The following NAV3 variants were observed in gnomAD, a reference collection of about 807,000 sequenced individuals.
NAV3 encodes the protein pore membrane and/or filament interacting like protein 1.
NAV3 carries 87 observed loss-of-function variants against 244.7 expected under a neutral mutation model. The observed-to-expected ratio is 0.36, with a 90% CI of 0.30 to 0.42. The LOEUF (loss-of-function observed/expected upper bound fraction) is 0.42. Among genes scored for constraint, NAV3 ranks in the 20% least tolerant of loss-of-function variants. The probability of loss-of-function intolerance (pLI) is 1.00; values close to 1 mark genes in which losing one functional copy is unlikely to be tolerated. For missense variants in NAV3, 2,663 were observed against 2,893.3 expected (o/e 0.92, Z 1.83); for synonymous variants, 1,126 against 1,042.2 (o/e 1.08, Z -1.55).
At chr12:77,722,085 A>G (rs1876661923) in intron 2 of NAV3, among the ~76,000 whole-genome samples, 1 of 152,096 alleles carries the variant, frequency 6.6e-6, no homozygotes, top group Admixed American at 6.6e-5. Flanking sequence ...TGCTGAACAA[A>G]TGTTTAAACT....
chr12:78,028,252 T>C (rs1878410640), intron 9 of NAV3, among the ~76,000 whole-genome samples: 1 of 152,214 alleles, frequency 6.6e-6, no homozygotes, highest in Non-Finnish European at 1.5e-5. Flanking sequence ...GGTATGCTGA[T>C]GGTTAAATAA....
chr12:78,168,707 T>A (rs761528291), intron 23 of NAV3, 48 bp from the exon 24 acceptor site: 1 of 1,265,182 alleles, frequency 7.9e-7, no homozygotes, highest in Non-Finnish European at 1.1e-6. Context: ...AGGGAGATTT[T>A]ATTTTTCTTT....
chr12:77,762,266 C>T lies in NAV3; in HGVS notation c.73-178053C>T, dbSNP rs113137173. Among the ~76,000 whole-genome samples, 1,088 of 151,930 alleles carry T rather than the reference C, an allele frequency of 7.2e-3. 15 individuals carry two copies. The highest frequency in any genetic ancestry group is 0.023 in the African/African-American group (971 of 41,416). On this transcript the variant is annotated intron_variant, in intron 2 of 8. Coordinates refer to the NAV3 transcript ENST00000550042. The stretch of plus-strand genomic sequence containing the variant: ...ACACAGTGAGGGGAACATCACACAT[C>T]GGGGCCTGTCGGTGGGTGGGGAGCT...
intron 18 of NAV3, among the ~76,000 whole-genome samples, chr12:78,130,142 G>A (rs529872030): frequency 6.6e-6 from 1 of 152,138 alleles, no homozygotes; most frequent in Admixed American, 6.6e-5. Flanking sequence ...TGCCAGTCTA[G>A]TTTGGGGACT....
At chr12:77,856,199 G>A (rs1878373363) in intron 1 of NAV3, among the ~76,000 whole-genome samples, 1 of 152,124 alleles carries the variant, frequency 6.6e-6, no homozygotes, top group Admixed American at 6.5e-5. Flanking sequence ...ATTTCCTGCT[G>A]TTTGTTCTGT....
intron 6 of NAV3, among the ~76,000 whole-genome samples, chr12:77,997,237 C>CAAAAAAA (rs139557569): frequency 8.9e-5 from 7 of 78,732 alleles, no homozygotes; most frequent in East Asian, 3.6e-4. Context: ...CACCCTGTCT[C>CAAAAAAA]AAAAAAAAAA....
intron 1 of NAV3, among the ~76,000 whole-genome samples, chr12:77,876,073 A>G (rs1881805410): frequency 6.6e-6 from 1 of 152,100 alleles, no homozygotes; most frequent in South Asian, 2.1e-4. Flanking sequence ...AGTTGAAAAT[A>G]TAATTAATTT....
At chr12:77,580,649 G>C (rs696442) in intron 2 of NAV3, among the ~76,000 whole-genome samples, 84,719 of 152,018 alleles carry the variant, frequency 0.56, 23,970 homozygotes, top group Middle Eastern at 0.74. Context: ...AGTGTTTACT[G>C]TCTAAACCCT....
intron 2 of NAV3, among the ~76,000 whole-genome samples, chr12:77,797,742 G>A (rs571124605): frequency 5.9e-5 from 9 of 151,802 alleles, no homozygotes; most frequent in Admixed American, 2.6e-4. Flanking sequence ...TCAAGAGACT[G>A]AGGGAGGAGA....
chr12:77,622,735 AT>A (rs1871434565), intron 2 of NAV3, among the ~76,000 whole-genome samples: 1 of 152,054 alleles, frequency 6.6e-6, no homozygotes, highest in Admixed American at 6.6e-5. Context: ...TCTGAGTAAA[AT>A]TGTGTTCCAT....
intron 2 of NAV3, among the ~76,000 whole-genome samples, chr12:77,810,592 A>G (rs1219222356): frequency 2.0e-5 from 3 of 152,208 alleles, no homozygotes; most frequent in Non-Finnish European, 2.9e-5. Flanking sequence ...AAAATATTTT[A>G]AAACTCAGTG....
chr12:78,034,216 C>T (rs1219475302), intron 9 of NAV3, among the ~76,000 whole-genome samples: 2 of 152,192 alleles, frequency 1.3e-5, no homozygotes, highest in Non-Finnish European at 2.9e-5. Context: ...GCCACTTCCC[C>T]TTAGATGTCA....
chr12:77,944,836 C>T (rs965149993), intron 3 of NAV3, among the ~76,000 whole-genome samples: 1 of 152,014 alleles, frequency 6.6e-6, no homozygotes, highest in African/African-American at 2.4e-5. Flanking sequence ...ACTGCTAATC[C>T]TTAGGGAAGA....
At chr12:77,641,010 C>T (rs1872386328) in intron 2 of NAV3, among the ~76,000 whole-genome samples, 1 of 152,086 alleles carries the variant, frequency 6.6e-6, no homozygotes, top group African/African-American at 2.4e-5. Context: ...CAAGACTTTA[C>T]ATAGCAAGCA....
At chr12:77,976,666 C>CTTTCTTTCTTTTTTTTTTTTTTTT (rs1446044531) in intron 5 of NAV3, among the ~76,000 whole-genome samples, 1 of 58,062 alleles carries the variant, frequency 1.7e-5, no homozygotes, top group African/African-American at 6.5e-5. Flanking sequence ...TTCTTTCTTT[C>CTTTCTTTCTTTTTTTTTTTTTTTT]TTTTTTTCTT....
intron 3 of NAV3, chr12:77,950,731 T>A (rs189918999): frequency 6.6e-6 from 1 of 152,038 alleles, no homozygotes; most frequent in East Asian, 1.9e-4. Context: ...TATAGACCAA[T>A]GGAACAGAAC....
chr12:77,998,510 C>T (rs765502810), intron 7 of NAV3, 34 bp downstream of exon 7: 1 of 1,565,970 alleles, frequency 6.4e-7, no homozygotes, highest in Non-Finnish European at 8.6e-7. Flanking sequence ...GACACAAGTC[C>T]AACATGAGTC....
chr12:77,727,308 A>G lies in NAV3; in HGVS notation c.72+155042A>G, dbSNP rs139325940. ...TTTACGAGTGTAGTCAAGGCCTGATAGTTTGTTGTGGGCTGGAGCTTTATC... is the reference window on the plus strand; with the variant it reads ...TTTACGAGTGTAGTCAAGGCCTGATGGTTTGTTGTGGGCTGGAGCTTTATC... On this transcript the variant is annotated intron_variant, in intron 2 of 8. Transcript: ENST00000550042. 5.2e-3 allele frequency among the ~76,000 whole-genome samples: 785 copies of G among 152,014 alleles called. 3 individuals carry two copies. Among genetic ancestry groups the G allele is most frequent in the African/African-American group, 0.018 (753 of 41,506 alleles).
intron 1 of NAV3, among the ~76,000 whole-genome samples, chr12:77,852,538 C>CATAA (rs754155678): frequency 0.04 from 6,060 of 151,138 alleles, 260 homozygotes; most frequent in African/African-American, 0.11. Context: ...GACTCCCTCT[C>CATAA]ATAAATAAAT....
Sources: gnomAD v4.1 joint callset for allele counts (sites outside exome capture counted in the v4.1 genomes callset) on GRCh38, gnomAD v4.1.1 for gene constraint, MANE v1.5 for transcripts, NCBI Gene and HGNC (gene_info 2026-07-23, HGNC 2026-07-21) for gene names.